DOCK11: variants seen among roughly 807,000 people sequenced by gnomAD.
DOCK11 encodes the protein dedicator of cytokinesis protein 11.
In DOCK11, 70 loss-of-function variants were observed where a neutral mutation model predicts 169.1. The observed-to-expected ratio is 0.41, with a 90% CI of 0.34 to 0.51. DOCK11 has a LOEUF of 0.51. DOCK11 is among the 20% of genes least tolerant of loss of function. The pLI, the probability that DOCK11 is intolerant of heterozygous loss-of-function variation, is 0.10. For missense variants in DOCK11, 1,166 were observed against 1,538.8 expected, an observed-to-expected ratio of 0.76 and a Z score of 4.05; for synonymous variants, 529 against 541.3, an observed-to-expected ratio of 0.98 and a Z score of 0.32.
intron 45 of DOCK11, among the ~76,000 whole-genome samples, chrX:118,663,399 T>C (rs1240485285): frequency 8.9e-6 from 1 of 111,945 alleles, no homozygotes; most frequent in Admixed American, 9.5e-5. Flanking sequence ...AGGTGAAAGA[T>C]GCCTTAGAGC....
intron 35 of DOCK11, among the ~76,000 whole-genome samples, 193 bp downstream of exon 35, chrX:118,630,683 T>C (rs187371533): frequency 1.8e-5 from 2 of 112,474 alleles, no homozygotes; most frequent in East Asian, 5.5e-4. Flanking sequence ...TCACACAAGT[T>C]CGAGTCTTTG....
Position 118,610,326 on chromosome X carries a change from C to T in DOCK11, c.3004C>T (p.Leu1002Phe), listed in dbSNP as rs768325488. ...ATATCATCATGTCTTACATTCACTGCTTCTTGCAATAATTCCCCATGTGAC... is the reference window on the plus strand; with the variant it reads ...ATATCATCATGTCTTACATTCACTGTTTCTTGCAATAATTCCCCATGTGAC... ...ETYHHVLHSL[L>F]LAIIPHVTIR... is the part of the protein sequence containing the mutation. Residue 1002 changes from leucine to phenylalanine, a missense_variant, in exon 28 of 53, where the codon CTT (leucine) becomes TTT (phenylalanine). Transcript: ENST00000276202. The T allele has an allele frequency of 8.3e-7, 1 of 1,210,872 alleles. No individual in the cohort carries two copies. The highest frequency in any genetic ancestry group is 3.0e-5 in the East Asian group (1 of 33,858).
intron 1 of DOCK11, among the ~76,000 whole-genome samples, chrX:118,518,172 T>C (rs375673947): frequency 8.0e-5 from 9 of 112,280 alleles, no homozygotes; most frequent in African/African-American, 2.9e-4. Context: ...ATACTTCTCA[T>C]GGATTTAAAA....
At chrX:118,587,469 C>T (rs1052927723) in intron 16 of DOCK11, among the ~76,000 whole-genome samples, 3 of 111,814 alleles carry the variant, frequency 2.7e-5, no homozygotes, top group Admixed American at 9.5e-5. Context: ...TCAGGTCCAA[C>T]TCTCCCTGGG....
chrX:118,516,093 C>CTTTTTTTTTTTTTTT (rs773184047), intron 1 of DOCK11, among the ~76,000 whole-genome samples: 6 of 54,991 alleles, frequency 1.1e-4, no homozygotes, highest in Non-Finnish European at 1.9e-4. Context: ...TTTTCTTTTT[C>CTTTTTTTTTTTTTTT]TTTTTTTTTT....
chrX:118,647,694 ATAT>A (rs2015742181), intron 40 of DOCK11, among the ~76,000 whole-genome samples: 2 of 55,579 alleles, frequency 3.6e-5, no homozygotes, highest in Non-Finnish European at 6.0e-5. Context: ...TTATATTATA[ATAT>A]AATATATAAT....
At chrX:118,569,253 C>T (rs778295771) in intron 10 of DOCK11, among the ~76,000 whole-genome samples, 6 of 108,437 alleles carry the variant, frequency 5.5e-5, no homozygotes, top group Admixed American at 5.0e-4. Context: ...CCACCACGCC[C>T]GACTAATTTT....
chrX:118,651,911 G>C, intron 41 of DOCK11, 53 bp from the exon 42 acceptor site: 1 of 870,593 alleles, frequency 1.1e-6, no homozygotes, highest in Non-Finnish European at 1.7e-6. Flanking sequence ...GATGAGCATA[G>C]ACAGCATTTG....
chrX:118,597,618 T>C (rs1234229525), intron 21 of DOCK11, 66 bp downstream of exon 21: 3 of 1,172,413 alleles, frequency 2.6e-6, no homozygotes, highest in South Asian at 3.6e-5. Context: ...ATTCTGTTGG[T>C]CTCGATTGTT....
intron 20 of DOCK11, among the ~76,000 whole-genome samples, chrX:118,593,884 A>G (rs2014078111): frequency 8.9e-6 from 1 of 112,466 alleles, no homozygotes; most frequent in African/African-American, 3.2e-5. Context: ...ATCATTGTCC[A>G]TATGCTTGCC....
chrX:118,670,162 A>G (rs2016434169), intron 45 of DOCK11, among the ~76,000 whole-genome samples: 1 of 112,063 alleles, frequency 8.9e-6, no homozygotes, highest in East Asian at 2.8e-4. Flanking sequence ...CTAAGGGTCT[A>G]TAGGATATTG....
intron 1 of DOCK11, among the ~76,000 whole-genome samples, chrX:118,534,956 A>T (rs1348769066): frequency 1.8e-5 from 2 of 111,588 alleles, no homozygotes; most frequent in Non-Finnish European, 3.8e-5. Context: ...GCTAATCCCT[A>T]CTCACTGATG....
At position 118,574,035 on chromosome X, in the gene DOCK11, A is replaced by AGTC; in HGVS notation, c.1389+18_1389+20dup. On this transcript the variant is annotated intron_variant, in intron 12 of 52. Transcript: ENST00000276202. ...ATACAACAGGTAACGAATGACCTTT[A>AGTC]GTCTTAGCAGCGTATTCAGAATAAG... 8.5e-7 allele frequency: 1 copy of AGTC among 1,176,055 alleles called. No individual in the cohort carries two copies.
intron 6 of DOCK11, among the ~76,000 whole-genome samples, chrX:118,560,485 T>C (rs111624723): frequency 0.015 from 1,712 of 112,075 alleles, 29 homozygotes; most frequent in African/African-American, 0.051. Flanking sequence ...CATCTCACCC[T>C]GAAGTGACTT....
intron 1 of DOCK11, among the ~76,000 whole-genome samples, chrX:118,522,331 T>C (rs1359305436): frequency 1.8e-5 from 2 of 110,384 alleles, no homozygotes; most frequent in African/African-American, 6.6e-5. Flanking sequence ...AAAAAAAGCA[T>C]GCACTCCAGA....
intron 48 of DOCK11, among the ~76,000 whole-genome samples, chrX:118,679,827 A>G (rs902488578): frequency 4.5e-5 from 5 of 110,532 alleles, no homozygotes; most frequent in African/African-American, 9.9e-5. Flanking sequence ...TCTGACCTCA[A>G]TTTTCTGAAT....
intron 1 of DOCK11, among the ~76,000 whole-genome samples, chrX:118,527,139 T>C (rs2011395324): frequency 1.8e-5 from 2 of 112,411 alleles, no homozygotes; most frequent in Admixed American, 1.9e-4. Flanking sequence ...GTACTGTATA[T>C]ACTTTTATCA....
rs188981057 is a variant in DOCK11 at position 118,557,840 on chromosome X, T to G, written c.559-3543T>G. On this transcript the variant is annotated intron_variant, in intron 6 of 52. Coordinates refer to ENST00000276202, the MANE Select transcript of DOCK11 (RefSeq NM_144658.4). ...AATCTGAGGCCAAATCCTGTGCAGT[T>G]TTCTGGGCTATGGTGAGGATTTTAG... is the stretch of plus-strand genomic sequence containing the variant. 7.3e-4 allele frequency among the ~76,000 whole-genome samples: 78 copies of G among 107,262 alleles called. 1 individual carries two copies. Among genetic ancestry groups the G allele is most frequent in the African/African-American group, 2.4e-3 (71 of 29,417 alleles). 93.1% of individuals were successfully genotyped at this position (107,262 alleles called of 115,157 possible). A position where few individuals can be genotyped will look rare whatever the true frequency, so the allele number is the denominator to read the frequency against.
chrX:118,643,872 G>T (rs2015592750), intron 40 of DOCK11, among the ~76,000 whole-genome samples: 1 of 111,816 alleles, frequency 8.9e-6, no homozygotes. Flanking sequence ...AAACCTGCCA[G>T]TTCTCTATTT....
Sources: gnomAD v4.1 joint callset for allele counts (sites outside exome capture counted in the v4.1 genomes callset) on GRCh38, gnomAD v4.1.1 for gene constraint, MANE v1.5 for transcripts, NCBI Gene and HGNC (gene_info 2026-07-23, HGNC 2026-07-21) for gene names.